The following TRPM3 variants were observed in gnomAD, a reference collection of about 807,000 sequenced individuals.
TRPM3 encodes the protein transient receptor potential cation channel subfamily M member 3, also known as long transient receptor potential channel 3.
TRPM3 carries 77 observed loss-of-function variants against 181.2 expected under a neutral mutation model. The observed-to-expected ratio is 0.42, with a 90% CI of 0.35 to 0.51. The LOEUF is 0.51. TRPM3 is among the 20% of genes least tolerant of loss of function. The pLI is 0.01. For missense variants in TRPM3, 1,759 were observed against 2,196.7 expected (o/e 0.80, Z 3.98); for synonymous variants, 745 against 796.4 (o/e 0.94, Z 1.09).
intron 1 of TRPM3, among the ~76,000 whole-genome samples, chr9:71,382,217 C>T (rs2092817159): frequency 1.3e-5 from 2 of 152,030 alleles, no homozygotes; most frequent in South Asian, 4.1e-4. Context: ...TTTAATTAAA[C>T]TTTTAAAACA....
intron 25 of TRPM3, among the ~76,000 whole-genome samples, chr9:70,546,228 G>A (rs2044841268): frequency 6.6e-6 from 1 of 152,148 alleles, no homozygotes; most frequent in African/African-American, 2.4e-5. Context: ...TTCATCAGTG[G>A]TTATTAAAGT....
intron 9 of TRPM3, among the ~76,000 whole-genome samples, chr9:70,641,797 G>A (rs2058095722): frequency 6.6e-6 from 1 of 152,160 alleles, no homozygotes; most frequent in African/African-American, 2.4e-5. Flanking sequence ...AGCCTGCCAA[G>A]CAGCTGGAGG....
At chr9:71,263,405 C>A (rs574354940) in intron 1 of TRPM3, among the ~76,000 whole-genome samples, 2 of 152,090 alleles carry the variant, frequency 1.3e-5, no homozygotes, top group Non-Finnish European at 2.9e-5. Context: ...TCCAAGACTG[C>A]GAGAAAGAAA....
chr9:71,295,938 T>A (rs2086225395), intron 1 of TRPM3, among the ~76,000 whole-genome samples: 1 of 152,048 alleles, frequency 6.6e-6, no homozygotes, highest in South Asian at 2.1e-4. Context: ...ACCAAAGGCA[T>A]TGAGATCCAG....
At chr9:71,056,078 G>T (rs950973447) in intron 1 of TRPM3, among the ~76,000 whole-genome samples, 1 of 152,006 alleles carries the variant, frequency 6.6e-6, no homozygotes, top group African/African-American at 2.4e-5. Flanking sequence ...TAGACCTAGA[G>T]CAAATTTTTC....
chr9:70,744,828 C>A (rs2074853374), intron 8 of TRPM3, among the ~76,000 whole-genome samples: 1 of 152,110 alleles, frequency 6.6e-6, no homozygotes, highest in African/African-American at 2.4e-5. Context: ...GTCATTTTAA[C>A]TTGATCATAC....
chr9:70,915,597 G>A (rs62543176), intron 1 of TRPM3, among the ~76,000 whole-genome samples: 16,345 of 151,544 alleles, frequency 0.11, 1,116 homozygotes, highest in East Asian at 0.2. Flanking sequence ...GAGCCACCAC[G>A]CCTGGCCACA....
intron 1 of TRPM3, among the ~76,000 whole-genome samples, chr9:71,264,399 A>G (rs2083254671): frequency 6.6e-6 from 1 of 152,076 alleles, no homozygotes; most frequent in Admixed American, 6.6e-5. Flanking sequence ...AATATACAAA[A>G]TTTTCATTTA....
chr9:71,389,452 T>C (rs1384650433), intron 1 of TRPM3, among the ~76,000 whole-genome samples: 1 of 152,088 alleles, frequency 6.6e-6, no homozygotes, highest in Non-Finnish European at 1.5e-5. Context: ...AAAGTAGAAC[T>C]ACCATTTGAT....
chr9:71,082,598 G>A (rs910032874), intron 1 of TRPM3, among the ~76,000 whole-genome samples: 3 of 152,242 alleles, frequency 2.0e-5, no homozygotes, highest in African/African-American at 7.2e-5. Context: ...TTTGTGCAAA[G>A]AAAGATGTGA....
chr9:71,301,227 A>G (rs2086741121), intron 1 of TRPM3, among the ~76,000 whole-genome samples: 1 of 152,140 alleles, frequency 6.6e-6, no homozygotes. Context: ...TGAGCAAGTG[A>G]CACAGCACCC....
chr9:71,098,085 T>TGACA (rs1351652701), intron 1 of TRPM3, among the ~76,000 whole-genome samples: 1 of 152,156 alleles, frequency 6.6e-6, no homozygotes, highest in Non-Finnish European at 1.5e-5. Context: ...TTTCACTGTG[T>TGACA]GACAATAGCT....
In TRPM3 at chr9:71,363,503, T is replaced by A. The variant is rs117854613; in HGVS notation, c.183+83150A>T. On this transcript the variant is annotated intron_variant, in intron 1 of 24. Coordinates refer to the TRPM3 transcript ENST00000357533. ...CCGTACTGCCCCATCTGGTTTGAAT[T>A]ATATGTTGTTTTATTTCTAACTCAA... Among the ~76,000 whole-genome samples the A allele has an allele frequency of 3.3e-3, 506 of 152,342 alleles. 11 individuals are homozygous for A. Among genetic ancestry groups the A allele is most frequent in the Admixed American group, 0.02 (305 of 15,298 alleles).
At chr9:71,125,055 G>A (rs910914262), upstream of TRPM3, among the ~76,000 whole-genome samples, 2 of 152,102 alleles carry the variant, frequency 1.3e-5, no homozygotes, top group African/African-American at 2.4e-5. Flanking sequence ...AAGCAACCAG[G>A]GGAAAAACCA....
At chr9:70,803,057 AAAC>A (rs1201366701) in intron 6 of TRPM3, among the ~76,000 whole-genome samples, 12 of 106,020 alleles carry the variant, frequency 1.1e-4, no homozygotes, top group Admixed American at 4.1e-4. Flanking sequence ...AAAAAAAAAA[AAAC>A]AAAGGCCCAA....
At chr9:70,786,849 C>T (rs2130900189) in intron 6 of TRPM3, among the ~76,000 whole-genome samples, 1 of 152,198 alleles carries the variant, frequency 6.6e-6, no homozygotes, top group African/African-American at 2.4e-5. Flanking sequence ...TCTAAGACAT[C>T]CTAGAATTTG....
At chr9:71,272,924 G>A (rs946412846) in intron 1 of TRPM3, among the ~76,000 whole-genome samples, 1 of 151,558 alleles carries the variant, frequency 6.6e-6, no homozygotes, top group African/African-American at 2.4e-5. Flanking sequence ...CCACAGGGTG[G>A]AGTGCAGTGG....
chr9:71,153,058 A>C (rs2075816459), intron 1 of TRPM3, among the ~76,000 whole-genome samples: 1 of 152,060 alleles, frequency 6.6e-6, no homozygotes, highest in Non-Finnish European at 1.5e-5. Flanking sequence ...CAATCTCCGT[A>C]ACACCCCTGT....
Position 71,186,717 on chromosome 9 carries a change from ATATTAGGAGC to A in TRPM3, c.183+259926_183+259935del, listed in dbSNP as rs1409753565. Among the ~76,000 whole-genome samples, 5 of 152,236 alleles carry A rather than the reference ATATTAGGAGC, an allele frequency of 3.3e-5. No individual in the cohort carries two copies. In the East Asian group the frequency reaches 5.8e-4, roughly 18 times the overall value. On this transcript the variant is annotated intron_variant, in intron 1 of 24. Transcript: ENST00000357533. ...ACAATGTATAGAAAGTATTAGAAAC[ATATTAGGAGC>A]TATTGTTATACTTAGTTCCTGTAAA...
Sources: gnomAD v4.1 joint callset for allele counts (sites outside exome capture counted in the v4.1 genomes callset) on GRCh38, gnomAD v4.1.1 for gene constraint, MANE v1.5 for transcripts, NCBI Gene and HGNC (gene_info 2026-07-23, HGNC 2026-07-21) for gene names.